Variants in SCAPER observed in about 807,000 individuals in gnomAD.
The protein encoded by SCAPER is S phase cyclin A-associated protein in the endoplasmic reticulum.
SCAPER carries 98 observed loss-of-function variants against 182.2 expected under a neutral mutation model. The ratio of observed to expected loss-of-function variants is 0.54; its 90% CI spans 0.46 to 0.64. The LOEUF is 0.64. Ranked by LOEUF, SCAPER falls within the 30% of genes least tolerant of loss-of-function variation. The pLI is 0.00. For synonymous variants in SCAPER, 605 were observed against 564.6 expected (o/e 1.07, Z -1.01); for missense variants, 1,432 against 1,690.0 (o/e 0.85, Z 2.68).
intron 4 of SCAPER, among the ~76,000 whole-genome samples, chr15:76,855,634 A>G (rs932208912): frequency 1.2e-4 from 18 of 152,178 alleles, no homozygotes; most frequent in African/African-American, 4.3e-4. Context: ...TATTCTAAAG[A>G]AGTCATACAT....
chr15:76,411,367 T>A (rs1382028408), intron 26 of SCAPER, among the ~76,000 whole-genome samples: 1 of 152,040 alleles, frequency 6.6e-6, no homozygotes, highest in African/African-American at 2.4e-5. Flanking sequence ...CATTTCAGAT[T>A]TTGGATTTTC....
chr15:76,700,493 A>G (rs946706159), intron 20 of SCAPER, among the ~76,000 whole-genome samples: 1 of 152,156 alleles, frequency 6.6e-6, no homozygotes, highest in Non-Finnish European at 1.5e-5. Context: ...GGTGCTCTAC[A>G]AAGCCAGGCA....
At chr15:76,847,803 C>T (rs1225019055) in intron 4 of SCAPER, among the ~76,000 whole-genome samples, 1 of 152,076 alleles carries the variant, frequency 6.6e-6, no homozygotes, top group Non-Finnish European at 1.5e-5. Context: ...CACCTGTAGT[C>T]CCAGCCACTC....
chr15:76,903,396 C>G (rs2152636031), intron 1 of SCAPER, among the ~76,000 whole-genome samples: 1 of 152,270 alleles, frequency 6.6e-6, no homozygotes, highest in South Asian at 2.1e-4. Flanking sequence ...TTGTGGAAAT[C>G]CTAGTTTCCA....
chr15:76,679,334 G>C (rs1488771956), intron 20 of SCAPER, among the ~76,000 whole-genome samples: 1 of 152,078 alleles, frequency 6.6e-6, no homozygotes, highest in Non-Finnish European at 1.5e-5. Context: ...GAAAAAGACT[G>C]ACAGTTCCAT....
At chr15:76,551,295 T>A (rs1231100966) in intron 23 of SCAPER, among the ~76,000 whole-genome samples, 1 of 152,128 alleles carries the variant, frequency 6.6e-6, no homozygotes, top group Non-Finnish European at 1.5e-5. Flanking sequence ...ATGGCCAAGA[T>A]ATGGAATCAA....
At position 76,581,098 on chromosome 15, in the gene SCAPER, G is replaced by A. The variant is rs78568324; in HGVS notation, c.2712-6814C>T. On this transcript the variant is annotated intron_variant, in intron 22 of 31. Coordinates refer to ENST00000563290, the MANE Select transcript of SCAPER (RefSeq NM_020843.4). ...ATACAACCTACCAAGGCTGAACTAC[G>A]AAGAAATCCAAAATCTGATGAGACC... Among the ~76,000 whole-genome samples the A allele has an allele frequency of 8.1e-3, 1,228 of 152,130 alleles. 11 individuals carry two copies. Among genetic ancestry groups the A allele is most frequent in the African/African-American group, 0.028 (1,165 of 41,496 alleles).
In SCAPER at chr15:76,354,445, T is replaced by C. The variant is rs958275723; in HGVS notation, c.3856-305A>G. On this transcript the variant is annotated intron_variant, in intron 29 of 31. Coordinates refer to ENST00000563290, the MANE Select transcript of SCAPER (RefSeq NM_020843.4). This position sits in a 1 kb window ranked among gnomAD's most constrained non-coding sequence, Gnocchi z 4.4. Reference sequence around the variant, plus strand: ...CTATGAAATGGATTCAGAATGCACATTGCTTTAACAAAGTGCTCCCCACAC... The same window carrying C: ...CTATGAAATGGATTCAGAATGCACACTGCTTTAACAAAGTGCTCCCCACAC... The C allele has an allele frequency of 6.9e-5, 19 of 277,008 alleles. No individual in the cohort carries two copies. The highest frequency in any genetic ancestry group is 2.1e-4 in the African/African-American group (9 of 43,846). The allele number at this position is 277,008 out of a possible 1,614,324, so 17.2% of individuals were successfully genotyped here.
Position 76,774,831 on chromosome 15 carries a change from A to G in SCAPER, c.1035+24T>C, listed in dbSNP as rs751568761. Reference sequence around the variant, plus strand: ...CACATACACCTTTGAAAAAGACAGTAAAAGGATTTTCAGAATGTACTACCT... The same window carrying G: ...CACATACACCTTTGAAAAAGACAGTGAAAGGATTTTCAGAATGTACTACCT... On this transcript the variant is annotated intron_variant, in intron 9 of 31. Transcript: ENST00000563290. The G allele has an allele frequency of 1.4e-5, 23 of 1,589,612 alleles. No homozygotes were observed. In the East Asian group the frequency reaches 5.1e-4, roughly 36 times the overall value.
Position 76,348,080 on chromosome 15 carries a change from T to G in SCAPER, c.*553A>C, listed in dbSNP as rs2040299162. 6.6e-6 allele frequency: 1 copy of G among 152,262 alleles called. No individual in the cohort carries two copies. The highest frequency in any genetic ancestry group is 6.5e-5 in the Admixed American group (1 of 15,282). The allele number at this position is 152,262 out of a possible 1,614,324, so 9.4% of individuals were successfully genotyped here. On this transcript the variant is annotated 3_prime_UTR_variant, in exon 32 of 32. Coordinates refer to ENST00000563290, the MANE Select transcript of SCAPER (RefSeq NM_020843.4). The stretch of plus-strand genomic sequence containing the variant: ...TGCTAGGAGAGTTCGGGCAGACCAA[T>G]GAATACAACGCCCTAAGTTGATTTC...
chr15:76,742,801 A>T (rs1261999991), intron 15 of SCAPER, among the ~76,000 whole-genome samples: 1 of 152,064 alleles, frequency 6.6e-6, no homozygotes, highest in Non-Finnish European at 1.5e-5. Context: ...ATGTAACAGG[A>T]CTAAAATGGT....
At chr15:76,711,348 C>T (rs879519481) in intron 17 of SCAPER, among the ~76,000 whole-genome samples, 7 of 151,964 alleles carry the variant, frequency 4.6e-5, no homozygotes, top group Non-Finnish European at 1.0e-4. Flanking sequence ...CAAAATGACC[C>T]AAATGAAAAA....
At chr15:76,400,999 T>G (rs1181492400) in intron 27 of SCAPER, among the ~76,000 whole-genome samples, 1 of 151,778 alleles carries the variant, frequency 6.6e-6, no homozygotes, top group Non-Finnish European at 1.5e-5. Context: ...TATAAAATTT[T>G]GAGTGGTAGA....
Position 76,497,989 on chromosome 15 carries a change from CAAAAAAAAAAAAAAA to C in SCAPER, c.2954+6855_2954+6869del, listed in dbSNP as rs747096625. 1.2e-4 allele frequency among the ~76,000 whole-genome samples: 7 copies of C among 58,328 alleles called. No individual in the cohort carries two copies. The Admixed American group carries it at 1.3e-3, about 11-fold the overall frequency. The allele number at this position is 58,328 out of a possible 152,430, so 38.3% of individuals were successfully genotyped here. A position where few individuals can be genotyped will look rare whatever the true frequency, so the allele number is the denominator to read the frequency against. ...CTGGTGATGGAGCGAGACTCCGTCTCAAAAAAAAAAAAAAAAAAAAAAAAAAAAAAATAAGCACAT... is the reference window on the plus strand; with the variant it reads ...CTGGTGATGGAGCGAGACTCCGTCTCAAAAAAAAAAAAAAAATAAGCACAT... On this transcript the variant is annotated intron_variant, in intron 24 of 31. Transcript: ENST00000563290.
intron 16 of SCAPER, 67 bp from the exon 17 acceptor site, chr15:76,728,804 A>G: frequency 1.3e-6 from 2 of 1,490,692 alleles, no homozygotes; most frequent in South Asian, 1.3e-5. Context: ...TCAAAGTAAT[A>G]TACCTTTCAC....
intron 17 of SCAPER, among the ~76,000 whole-genome samples, chr15:76,724,156 GCAAA>G (rs2060442409): frequency 3.9e-4 from 2 of 5,174 alleles, no homozygotes; most frequent in Admixed American, 8.7e-3. Flanking sequence ...TGTTTGTAAA[GCAAA>G]GACTTATTTC....
At chr15:76,661,914 A>T (rs1045030818) in intron 21 of SCAPER, among the ~76,000 whole-genome samples, 4 of 152,208 alleles carry the variant, frequency 2.6e-5, no homozygotes, top group Non-Finnish European at 5.9e-5. Flanking sequence ...CACAATAACA[A>T]AGACATGGAA....
At chr15:76,682,264 TCCC>T (rs573661987) in intron 20 of SCAPER, among the ~76,000 whole-genome samples, 1 of 130,518 alleles carries the variant, frequency 7.7e-6, no homozygotes, top group African/African-American at 2.9e-5. Context: ...TCACCTCCCT[TCCC>T]CCCCCCACCC....
At chr15:76,742,270 C>T (rs1843255) in intron 15 of SCAPER, among the ~76,000 whole-genome samples, 1 of 151,374 alleles carries the variant, frequency 6.6e-6, no homozygotes, top group Non-Finnish European at 1.5e-5. Flanking sequence ...GCCACTATTT[C>T]TCAGAAATTT....
Sources: gnomAD v4.1 joint callset for allele counts (sites outside exome capture counted in the v4.1 genomes callset) on GRCh38, gnomAD v4.1.1 for gene constraint, Gnocchi (gnomAD v3.1) non-coding constraint, MANE v1.5 for transcripts, NCBI Gene and HGNC (gene_info 2026-07-23, HGNC 2026-07-21) for gene names.